AIG1: variants seen among roughly 807,000 people sequenced by gnomAD.
AIG1 encodes androgen induced 1.
Under a neutral mutation model 31.4 loss-of-function variants are expected in AIG1, and 23 were observed. That is an observed-to-expected ratio of 0.73 (90% CI 0.53 to 1.04). AIG1 has a LOEUF of 1.04. Ranked by LOEUF, AIG1 falls within the 50% of genes least tolerant of loss-of-function variation. The probability of loss-of-function intolerance (pLI) is 0.00; values close to 1 mark genes in which losing one functional copy is unlikely to be tolerated. For missense variants in AIG1, 274 were observed against 295.0 expected, an observed-to-expected ratio of 0.93 and a Z score of 0.52; for synonymous variants, 100 against 110.5, an observed-to-expected ratio of 0.90 and a Z score of 0.60.
chr6:143,272,844 A>AT (rs2128668707), intron 3 of AIG1, among the ~76,000 whole-genome samples: 1 of 152,296 alleles, frequency 6.6e-6, no homozygotes, highest in South Asian at 2.1e-4. Flanking sequence ...TAGTGGGAAG[A>AT]TTTTGGCCAG....
At chr6:143,260,486 T>C (rs1223623707) in intron 3 of AIG1, among the ~76,000 whole-genome samples, 1 of 152,244 alleles carries the variant, frequency 6.6e-6, no homozygotes, top group Non-Finnish European at 1.5e-5. Context: ...TTATCCATGA[T>C]AATAGATTCC....
intron 1 of AIG1, among the ~76,000 whole-genome samples, chr6:143,100,419 C>T (rs1423683868): frequency 6.6e-6 from 1 of 152,094 alleles, no homozygotes; most frequent in Non-Finnish European, 1.5e-5. Context: ...AAAAATAATA[C>T]TCTTACAAAG....
intron 3 of AIG1, among the ~76,000 whole-genome samples, chr6:143,251,685 C>T (rs1026509499): frequency 1.3e-5 from 2 of 152,096 alleles, no homozygotes; most frequent in African/African-American, 4.8e-5. Flanking sequence ...ACCTAGATTC[C>T]TCTGGCCCCA....
At chr6:143,115,312 T>C (rs905333777) in intron 1 of AIG1, among the ~76,000 whole-genome samples, 3 of 152,228 alleles carry the variant, frequency 2.0e-5, no homozygotes, top group Non-Finnish European at 2.9e-5. Flanking sequence ...CATTTGAAAG[T>C]ACCCCTTTCT....
intron 3 of AIG1, among the ~76,000 whole-genome samples, chr6:143,238,905 A>G (rs1044483183): frequency 2.0e-5 from 3 of 152,240 alleles, no homozygotes; most frequent in African/African-American, 7.2e-5. Context: ...ACCAGTTACA[A>G]CTTCCCTTTC....
intron 4 of AIG1, among the ~76,000 whole-genome samples, chr6:143,286,962 G>A (rs547727400): frequency 1.5e-5 from 2 of 135,328 alleles, no homozygotes; most frequent in Admixed American, 1.4e-4. Flanking sequence ...CTGTTTCCCA[G>A]CCCCGTTGCA....
intron 1 of AIG1, among the ~76,000 whole-genome samples, chr6:143,126,583 T>C (rs1409937757): frequency 6.6e-6 from 1 of 152,256 alleles, no homozygotes; most frequent in Middle Eastern, 3.2e-3. Context: ...ATGGCTCTTA[T>C]ATCCTTTCCA....
chr6:143,128,816 A>G (rs901553876), intron 1 of AIG1, among the ~76,000 whole-genome samples: 1 of 152,252 alleles, frequency 6.6e-6, no homozygotes, highest in African/African-American at 2.4e-5. Context: ...AAGTGTTTTA[A>G]TAGTATTGGC....
Position 143,310,347 on chromosome 6 carries a change from G to C in AIG1, c.516-22935G>C, listed in dbSNP as rs946426182. 2.7e-4 allele frequency among the ~76,000 whole-genome samples: 41 copies of C among 151,854 alleles called. 1 individual carries two copies. Among genetic ancestry groups the C allele is most frequent in the Admixed American group, 5.2e-4 (8 of 15,260 alleles). On this transcript the variant is annotated intron_variant, in intron 4 of 5. Transcript: ENST00000357847. ...GAAATCAATAAAAGAAAAATGGCTA[G>C]AAAAGTCCAAAGTATTTGGAAATTA...
At chr6:143,189,800 C>T (rs1477426256) in intron 3 of AIG1, 2 of 982,358 alleles carry the variant, frequency 2.0e-6, no homozygotes, top group Admixed American at 6.2e-5. Context: ...CACTTCTCAA[C>T]TTCGTAAATA....
chr6:143,167,758 G>A (rs1308038024), intron 3 of AIG1, among the ~76,000 whole-genome samples: 1 of 152,126 alleles, frequency 6.6e-6, no homozygotes, highest in Non-Finnish European at 1.5e-5. Flanking sequence ...AAAGAGAAAA[G>A]ATAAATTAGT....
intron 1 of AIG1, among the ~76,000 whole-genome samples, chr6:143,114,782 T>C (rs1165190714): frequency 6.6e-6 from 1 of 152,232 alleles, no homozygotes; most frequent in African/African-American, 2.4e-5. Flanking sequence ...TAAATCATTA[T>C]TTCTTCTTAT....
intron 5 of AIG1, chr6:143,335,396 G>A (rs1468434927): frequency 1.6e-5 from 3 of 187,724 alleles, no homozygotes; most frequent in African/African-American, 7.0e-5. Context: ...GCCAGGCATG[G>A]TGGCGTGTGC....
chr6:143,073,941 G>T (rs1241478625), intron 1 of AIG1, among the ~76,000 whole-genome samples: 5 of 152,172 alleles, frequency 3.3e-5, no homozygotes, highest in Non-Finnish European at 7.3e-5. Context: ...CAACATTGGG[G>T]ATTACATTTC....
intron 3 of AIG1, among the ~76,000 whole-genome samples, chr6:143,261,951 C>A (rs532535379): frequency 6.6e-6 from 1 of 152,308 alleles, no homozygotes; most frequent in East Asian, 1.9e-4. Flanking sequence ...ACAGCAATTT[C>A]TCTTAATGAT....
rs761551261 is a variant in AIG1 at position 143,327,380 on chromosome 6, G to A, written c.516-5902G>A. 1.3e-5 allele frequency: 4 copies of A among 309,834 alleles called. No individual in the cohort carries two copies. The highest frequency in any genetic ancestry group is 2.5e-5 in the Non-Finnish European group (4 of 162,280). The allele number at this position is 309,834 out of a possible 1,614,324, so 19.2% of individuals were successfully genotyped here. The stretch of plus-strand genomic sequence containing the variant: ...CATCAACATTCACAAGCGCGTCCAT[G>A]GAGTGGGCTTCAAGAAGTCTGCCCC... On this transcript the variant is annotated intron_variant, in intron 4 of 5. Coordinates refer to ENST00000357847, the MANE Select transcript of AIG1 (RefSeq NM_016108.4). The surrounding 1 kb of genome is among the most constrained non-coding windows in gnomAD (Gnocchi z 5.3).
intron 1 of AIG1, among the ~76,000 whole-genome samples, chr6:143,111,121 G>C (rs1374868552): frequency 1.3e-5 from 2 of 152,094 alleles, no homozygotes; most frequent in Non-Finnish European, 2.9e-5. Flanking sequence ...TACTGTTTTA[G>C]AGTTAAAGTC....
At chr6:143,313,106 G>A (rs371138321) in intron 4 of AIG1, among the ~76,000 whole-genome samples, 1 of 152,168 alleles carries the variant, frequency 6.6e-6, no homozygotes, top group African/African-American at 2.4e-5. Flanking sequence ...ACTGTTGGTC[G>A]GAATGTAAAT....
At chr6:143,215,369 T>C (rs780867939) in intron 3 of AIG1, among the ~76,000 whole-genome samples, 1 of 152,146 alleles carries the variant, frequency 6.6e-6, no homozygotes, top group Admixed American at 6.5e-5. Flanking sequence ...ACTTTCTCCT[T>C]TCTCCAGAAC....
Sources: allele counts gnomAD v4.1 joint callset (sites outside exome capture counted in the v4.1 genomes callset), GRCh38; gene constraint gnomAD v4.1.1; non-coding constraint Gnocchi (gnomAD v3.1); transcripts MANE v1.5; gene names NCBI Gene and HGNC (gene_info 2026-07-23, HGNC 2026-07-21).